GRIK2: variants seen among roughly 807,000 people sequenced by gnomAD.
GRIK2 encodes the protein glutamate ionotropic receptor kainate type subunit 2.
In GRIK2, 32 loss-of-function variants were observed where a neutral mutation model predicts 100.3. The ratio of observed to expected loss-of-function variants is 0.32; its 90% confidence interval spans 0.24 to 0.43. The LOEUF is 0.43. GRIK2 is among the 20% of genes least tolerant of loss of function. GRIK2 has a pLI of 1.00. For missense variants in GRIK2, 843 were observed against 1,114.9 expected (o/e 0.76, Z 3.47); for synonymous variants, 417 against 389.4 (o/e 1.07, Z -0.83).
chr6:101,795,343 A>G (rs1161035212), intron 7 of GRIK2, among the ~76,000 whole-genome samples: 1 of 152,110 alleles, frequency 6.6e-6, no homozygotes, highest in Non-Finnish European at 1.5e-5. Flanking sequence ...TTAGACTGTG[A>G]TTATTAGTGG....
At chr6:101,980,331 G>GAGAA (rs1793638452) in intron 14 of GRIK2, among the ~76,000 whole-genome samples, 1 of 152,004 alleles carries the variant, frequency 6.6e-6, no homozygotes, top group Non-Finnish European at 1.5e-5. Context: ...TTGAGTCTGA[G>GAGAA]AGAAGAGGGA....
chr6:101,990,915 T>C (rs1009514741), intron 14 of GRIK2, among the ~76,000 whole-genome samples: 2 of 151,916 alleles, frequency 1.3e-5, no homozygotes, highest in African/African-American at 4.8e-5. Context: ...ATTTCAATAG[T>C]AAAGGTGCAT....
chr6:101,878,147 T>C (rs1291186207), intron 11 of GRIK2, among the ~76,000 whole-genome samples: 1 of 148,432 alleles, frequency 6.7e-6, no homozygotes, highest in Non-Finnish European at 1.5e-5. Flanking sequence ...ACTGAATAAA[T>C]GTTAGCTGTC....
At chr6:102,065,795 A>G (rs1180857951) in intron 16 of GRIK2, 3 of 1,516,426 alleles carry the variant, frequency 2.0e-6, no homozygotes, top group Non-Finnish European at 2.7e-6. Flanking sequence ...ATGTTTCAAC[A>G]GAGAGCCAAG....
chr6:101,641,134 A>C (rs1348892618), intron 4 of GRIK2, among the ~76,000 whole-genome samples: 1 of 152,116 alleles, frequency 6.6e-6, no homozygotes, highest in Non-Finnish European at 1.5e-5. Flanking sequence ...AAAATTGTGA[A>C]GTATAAATTG....
At chr6:101,897,944 G>T (rs751188473) in intron 12 of GRIK2, among the ~76,000 whole-genome samples, 1 of 151,830 alleles carries the variant, frequency 6.6e-6, no homozygotes, top group Admixed American at 6.6e-5. Flanking sequence ...CTTTCAAATG[G>T]ATGGTTGTCT....
chr6:101,680,493 TTCC>T (rs1771162209), intron 5 of GRIK2, among the ~76,000 whole-genome samples: 1 of 152,188 alleles, frequency 6.6e-6, no homozygotes, highest in Non-Finnish European at 1.5e-5. Context: ...ATGTCCTAGT[TTCC>T]TTACCCATAA....
intron 2 of GRIK2, among the ~76,000 whole-genome samples, chr6:101,405,858 A>T (rs1340494667): frequency 6.6e-6 from 1 of 152,258 alleles, no homozygotes; most frequent in Non-Finnish European, 1.5e-5. Context: ...TTTCTAGAAT[A>T]ACATGAAACC....
At chr6:101,853,605 A>G (rs1400424471) in intron 10 of GRIK2, among the ~76,000 whole-genome samples, 1 of 152,192 alleles carries the variant, frequency 6.6e-6, no homozygotes, top group African/African-American at 2.4e-5. Context: ...CAAATAAACC[A>G]AAAACTTATG....
At chr6:102,042,782 G>A (rs988869150) in intron 15 of GRIK2, among the ~76,000 whole-genome samples, 2 of 151,426 alleles carry the variant, frequency 1.3e-5, no homozygotes, top group Non-Finnish European at 3.0e-5. Flanking sequence ...AGAAAGGTAG[G>A]GTTTATAGGA....
rs868813850 is a variant in GRIK2 at position 101,907,631 on chromosome 6, A to T, written c.1749-16970A>T. ...TAAGTCTTGAGCATGCAGGACTTTA[A>T]TACTCGTAGCTAACATTGGGTTTTG... On this transcript the variant is annotated intron_variant, in intron 12 of 16. Coordinates refer to ENST00000369134, the MANE Select transcript of GRIK2 (RefSeq NM_021956.5). Among the ~76,000 whole-genome samples, 20 of 151,454 alleles carry T rather than the reference A, an allele frequency of 1.3e-4. No individual in the cohort carries two copies. The South Asian group carries it at 2.5e-3, about 19-fold the overall frequency.
intron 15 of GRIK2, among the ~76,000 whole-genome samples, chr6:102,050,077 A>C (rs1223552937): frequency 6.6e-6 from 1 of 152,164 alleles, no homozygotes; most frequent in African/African-American, 2.4e-5. Context: ...TAATGAAATA[A>C]GATAAAGAGA....
chr6:101,576,655 T>A (rs1187491268), intron 2 of GRIK2, among the ~76,000 whole-genome samples: 1 of 152,074 alleles, frequency 6.6e-6, no homozygotes, highest in African/African-American at 2.4e-5. Context: ...AAATGCTAAG[T>A]TAAGCTCTTT....
chr6:101,707,811 C>G (rs1417312906), intron 7 of GRIK2, among the ~76,000 whole-genome samples: 1 of 151,378 alleles, frequency 6.6e-6, no homozygotes, highest in Non-Finnish European at 1.5e-5. Context: ...ATTGCAAGAT[C>G]TCTCAGTAGT....
At chr6:101,822,395 G>A (rs1001208475) in intron 10 of GRIK2, among the ~76,000 whole-genome samples, 5 of 151,878 alleles carry the variant, frequency 3.3e-5, no homozygotes, top group African/African-American at 1.2e-4. Flanking sequence ...CTGAGACTGA[G>A]AGTTTGAGGA....
intron 8 of GRIK2, among the ~76,000 whole-genome samples, chr6:101,800,327 A>G (rs1425038666): frequency 6.6e-6 from 1 of 151,850 alleles, no homozygotes; most frequent in Non-Finnish European, 1.5e-5. Context: ...TATGTCTGTT[A>G]TAGATCAAGA....
intron 7 of GRIK2, among the ~76,000 whole-genome samples, chr6:101,709,918 T>A (rs1773585762): frequency 6.6e-6 from 1 of 151,796 alleles, no homozygotes; most frequent in African/African-American, 2.4e-5. Context: ...ACGTTCAGCC[T>A]TTCTCTCATA....
chr6:101,694,693 G>A (rs1772354802), intron 7 of GRIK2, among the ~76,000 whole-genome samples: 1 of 151,878 alleles, frequency 6.6e-6, no homozygotes, highest in Admixed American at 6.6e-5. Flanking sequence ...TATAGAATAT[G>A]TTTTCTGGCT....
At chr6:101,444,937 A>G (rs766170295) in intron 2 of GRIK2, among the ~76,000 whole-genome samples, 1 of 152,116 alleles carries the variant, frequency 6.6e-6, no homozygotes, top group Non-Finnish European at 1.5e-5. Flanking sequence ...TTGCTGCTGC[A>G]TGTCTCATTC....
Sources: gnomAD v4.1 joint callset for allele counts (sites outside exome capture counted in the v4.1 genomes callset) on GRCh38, gnomAD v4.1.1 for gene constraint, MANE v1.5 for transcripts, NCBI Gene and HGNC (gene_info 2026-07-23, HGNC 2026-07-21) for gene names.